RTN4IP1: variants seen among roughly 807,000 people sequenced by gnomAD.
The protein encoded by RTN4IP1 is reticulon 4 interacting protein 1, also known as NAD(P)H oxidoreductase RTN4IP1, mitochondrial.
Under a neutral mutation model 46.6 loss-of-function variants are expected in RTN4IP1, and 32 were observed. The observed-to-expected ratio is 0.69, with a 90% confidence interval of 0.52 to 0.92. The LOEUF (loss-of-function observed/expected upper bound fraction) is 0.92. Among genes scored for constraint, RTN4IP1 ranks in the 40% least tolerant of loss-of-function variants. The pLI, the probability that RTN4IP1 is intolerant of heterozygous loss-of-function variation, is 0.00. For missense variants in RTN4IP1, 424 were observed against 485.8 expected (o/e 0.87, Z 1.20); for synonymous variants, 167 against 161.8 (o/e 1.03, Z -0.24).
intron 5 of RTN4IP1, among the ~76,000 whole-genome samples, chr6:106,599,559 T>C (rs1775890990): frequency 1.3e-5 from 2 of 152,088 alleles, no homozygotes; most frequent in South Asian, 4.1e-4. Flanking sequence ...TAGGATGTAC[T>C]TTTGCATCTG....
intron 5 of RTN4IP1, among the ~76,000 whole-genome samples, chr6:106,593,100 C>T (rs12528406): frequency 0.073 from 11,064 of 152,042 alleles, 591 homozygotes; most frequent in East Asian, 0.2. Flanking sequence ...AATCAGAAAG[C>T]GTGTCAAAGT....
At chr6:106,623,142 G>A (rs1156447654) in intron 1 of RTN4IP1, among the ~76,000 whole-genome samples, 173 bp from the exon 2 acceptor site, 1 of 150,584 alleles carries the variant, frequency 6.6e-6, no homozygotes, top group Non-Finnish European at 1.5e-5. Flanking sequence ...CAACAGCAAA[G>A]ACATGGACTC....
At chr6:106,591,754 C>G (rs971860878) in intron 6 of RTN4IP1, among the ~76,000 whole-genome samples, 1 of 152,140 alleles carries the variant, frequency 6.6e-6, no homozygotes, top group East Asian at 1.9e-4. Context: ...TAGACTTACA[C>G]TGTTTCTCTT....
At chr6:106,614,078 G>A (rs756709900) in intron 4 of RTN4IP1, among the ~76,000 whole-genome samples, 7 of 152,168 alleles carry the variant, frequency 4.6e-5, no homozygotes, top group East Asian at 1.9e-4. Context: ...CATGTCATCC[G>A]GAGGCTGTGT....
intron 3 of RTN4IP1, among the ~76,000 whole-genome samples, chr6:106,620,912 C>T (rs1776469357): frequency 6.6e-6 from 1 of 152,106 alleles, no homozygotes; most frequent in South Asian, 2.1e-4. Flanking sequence ...CTCTCATTTT[C>T]TGGAAAGGAA....
At chr6:106,620,558 C>T (rs72613235) in intron 3 of RTN4IP1, among the ~76,000 whole-genome samples, 11,338 of 152,152 alleles carry the variant, frequency 0.075, 1,063 homozygotes, top group African/African-American at 0.2. Context: ...TGTATTTTCA[C>T]AGATAAATCT....
chr6:106,578,778 GC>G (rs1055852145), intron 8 of RTN4IP1, among the ~76,000 whole-genome samples: 38 of 152,278 alleles, frequency 2.5e-4, no homozygotes, highest in African/African-American at 7.7e-4. Flanking sequence ...CTGGAGCTTG[GC>G]CTGACTGGGT....
intron 5 of RTN4IP1, among the ~76,000 whole-genome samples, chr6:106,594,647 C>T (rs1775740267): frequency 6.6e-6 from 1 of 152,172 alleles, no homozygotes. Flanking sequence ...CCCTCCTACC[C>T]TTTCCCAAAA....
chr6:106,571,910 G>GT lies in RTN4IP1; in HGVS notation c.*85dup. 4.9e-6 allele frequency: 4 copies of GT among 811,848 alleles called. No homozygotes were observed. Among genetic ancestry groups the GT allele is most frequent in the Non-Finnish European group, 8.4e-6 (4 of 478,242 alleles). The allele number at this position is 811,848 out of a possible 1,614,324, so 50.3% of individuals were successfully genotyped here. On this transcript the variant is annotated 3_prime_UTR_variant, in exon 9 of 9. Transcript: ENST00000369063. Reference sequence around the variant, plus strand: ...AATGTATAATCTAATCTGGAAAAATGTTTGAAAGGGATGGCTAGAAAAAAA... The same window carrying GT: ...AATGTATAATCTAATCTGGAAAAATGTTTTGAAAGGGATGGCTAGAAAAAAA...
Position 106,613,013 on chromosome 6 carries a change from C to T in RTN4IP1, c.620+6189G>A, listed in dbSNP as rs113621376. 3.4e-3 allele frequency among the ~76,000 whole-genome samples: 514 copies of T among 152,258 alleles called. 6 individuals carry two copies. Among genetic ancestry groups the T allele is most frequent in the African/African-American group, 0.012 (482 of 41,546 alleles). On this transcript the variant is annotated intron_variant, in intron 4 of 8. Transcript: ENST00000369063. ...AAAAAGAAAATTTTATATTCAAGTG[C>T]TATTTCTTTTGTGGCGCCGAAACTT...
chr6:106,599,132 T>C (rs1775879613), intron 5 of RTN4IP1, among the ~76,000 whole-genome samples: 1 of 152,050 alleles, frequency 6.6e-6, no homozygotes, highest in Non-Finnish European at 1.5e-5. Flanking sequence ...TGTATTCTGA[T>C]GTGCTTTTAT....
At chr6:106,587,211 C>A (rs1775508469) in intron 7 of RTN4IP1, among the ~76,000 whole-genome samples, 1 of 152,196 alleles carries the variant, frequency 6.6e-6, no homozygotes, top group Non-Finnish European at 1.5e-5. Flanking sequence ...TGTAAGTTTT[C>A]ATCTTTATAT....
chr6:106,629,471 C>T lies in RTN4IP1; in HGVS notation c.-450G>A, dbSNP rs150702171. On this transcript the variant is annotated 5_prime_UTR_variant, in exon 1 of 9. Transcript: ENST00000369063. ...GGCCCGGAATCTCCTTGCCTGCCCG[C>T]TCTCCTTAGCCGCCGGGATGGCTTT... 3 of 664,740 alleles carry T rather than the reference C, an allele frequency of 4.5e-6. No individual in the cohort carries two copies. Among genetic ancestry groups the T allele is most frequent in the Non-Finnish European group, 7.5e-6 (3 of 399,098 alleles). 41.2% of individuals were successfully genotyped at this position (664,740 alleles called of 1,614,324 possible). A position where few individuals can be genotyped will look rare whatever the true frequency, so the allele number is the denominator to read the frequency against.
chr6:106,613,547 G>A (rs1431778598), intron 4 of RTN4IP1, among the ~76,000 whole-genome samples: 1 of 152,182 alleles, frequency 6.6e-6, no homozygotes, highest in African/African-American at 2.4e-5. Flanking sequence ...AAATACAACA[G>A]TATTTTAGGC....
intron 8 of RTN4IP1, among the ~76,000 whole-genome samples, chr6:106,576,976 T>C (rs1441256008): frequency 1.3e-5 from 2 of 152,226 alleles, no homozygotes; most frequent in Non-Finnish European, 2.9e-5. Flanking sequence ...ATAAGAACTA[T>C]TCTGATGCTG....
chr6:106,624,227 T>C (rs980406042), intron 1 of RTN4IP1, among the ~76,000 whole-genome samples: 2 of 152,106 alleles, frequency 1.3e-5, no homozygotes, highest in Non-Finnish European at 2.9e-5. Flanking sequence ...ACCTAATTTT[T>C]GTATTTTTAG....
At chr6:106,601,728 A>G (rs992803804) in intron 5 of RTN4IP1, among the ~76,000 whole-genome samples, 3 of 152,156 alleles carry the variant, frequency 2.0e-5, no homozygotes, top group African/African-American at 7.2e-5. Context: ...CTCCTGCCTC[A>G]GCCTCCTGAG....
rs190246358 is a variant in RTN4IP1, at chr6:106,609,906, A to T, written c.621-6984T>A. On this transcript the variant is annotated intron_variant, in intron 4 of 8. Coordinates refer to ENST00000369063, the MANE Select transcript of RTN4IP1 (RefSeq NM_032730.5). Reference sequence around the variant, plus strand: ...GTGTTGCCACCTGATGGCGACCCCAAGTGCAAAAGCAGCAAGGAGCAGGTC... The same window carrying T: ...GTGTTGCCACCTGATGGCGACCCCATGTGCAAAAGCAGCAAGGAGCAGGTC... Among the ~76,000 whole-genome samples, 3 of 152,356 alleles carry T rather than the reference A, an allele frequency of 2.0e-5. No individual in the cohort carries two copies. The East Asian group carries it at 5.8e-4, about 29-fold the overall frequency.
chr6:106,601,718 C>A (rs558800764), intron 5 of RTN4IP1, among the ~76,000 whole-genome samples: 1 of 152,186 alleles, frequency 6.6e-6, no homozygotes, highest in African/African-American at 2.4e-5. Context: ...TCAAGCAATT[C>A]TCCTGCCTCA....
Sources: gnomAD v4.1 joint callset for allele counts (sites outside exome capture counted in the v4.1 genomes callset) on GRCh38, gnomAD v4.1.1 for gene constraint, MANE v1.5 for transcripts, NCBI Gene and HGNC (gene_info 2026-07-23, HGNC 2026-07-21) for gene names.